DTNA: variants seen among roughly 807,000 people sequenced by gnomAD.
DTNA encodes the protein dystrophin-related protein 3.
Under a neutral mutation model 100.7 loss-of-function variants are expected in DTNA, and 43 were observed. The observed-to-expected ratio is 0.43, with a 90% CI of 0.33 to 0.55. The LOEUF (loss-of-function observed/expected upper bound fraction) is 0.55, where lower values mean the gene tolerates loss of function less well. DTNA is among the 20% of genes least tolerant of loss of function. DTNA has a pLI of 0.04. For missense variants in DTNA, 798 were observed against 953.9 expected (o/e 0.84, Z 2.15); for synonymous variants, 349 against 347.9 (o/e 1.00, Z -0.04).
chr18:34,821,802 C>T (rs376328018), intron 9 of DTNA, among the ~76,000 whole-genome samples: 1 of 152,084 alleles, frequency 6.6e-6, no homozygotes, highest in Non-Finnish European at 1.5e-5. Context: ...AGGTGGGTGA[C>T]GGGACCTACC....
chr18:34,638,761 C>T (rs183598001), intron 1 of DTNA, among the ~76,000 whole-genome samples: 13 of 152,264 alleles, frequency 8.5e-5, no homozygotes, highest in Admixed American at 2.6e-4. Context: ...AAAATAGGTT[C>T]GAGTAATTAT....
At chr18:34,744,801 G>C (rs2091298452) in intron 1 of DTNA, among the ~76,000 whole-genome samples, 1 of 152,146 alleles carries the variant, frequency 6.6e-6, no homozygotes, top group African/African-American at 2.4e-5. Context: ...GTCCGTGTGT[G>C]TCTGTGTGGG....
chr18:34,661,869 C>A (rs550679135), intron 1 of DTNA, among the ~76,000 whole-genome samples: 1 of 152,154 alleles, frequency 6.6e-6, no homozygotes, highest in African/African-American at 2.4e-5. Context: ...ATGTGGCCTA[C>A]CCAGTTTGGG....
At chr18:34,833,440 A>G (rs1045874763) in intron 11 of DTNA, among the ~76,000 whole-genome samples, 4 of 149,390 alleles carry the variant, frequency 2.7e-5, no homozygotes, top group Non-Finnish European at 5.9e-5. Context: ...GTGTGTGAGA[A>G]AAATTTTGGA....
At chr18:34,630,469 C>A (rs1393503614) in intron 1 of DTNA, among the ~76,000 whole-genome samples, 1 of 151,874 alleles carries the variant, frequency 6.6e-6, no homozygotes, top group Non-Finnish European at 1.5e-5. Context: ...GGTTAGTCAG[C>A]GATAAGAAAA....
intron 1 of DTNA, chr18:34,755,584 T>G (rs1035403588): frequency 1.7e-5 from 4 of 240,758 alleles, no homozygotes; most frequent in Admixed American, 5.1e-5. Flanking sequence ...ACTCTTGGTT[T>G]CATCATCTGT....
intron 3 of DTNA, among the ~76,000 whole-genome samples, chr18:34,789,715 G>C (rs1281155340): frequency 6.6e-6 from 1 of 152,068 alleles, no homozygotes. Context: ...CAGTTAGCCA[G>C]AATTATTTTA....
chr18:34,505,105 C>CAGGGCTAACGTCAAGGTGTGA (rs2040355597), intron 1 of DTNA, among the ~76,000 whole-genome samples: 1 of 152,220 alleles, frequency 6.6e-6, no homozygotes, highest in African/African-American at 2.4e-5. Flanking sequence ...ATCAGTTTCA[C>CAGGGCTAACGTCAAGGTGTGA]AGGGCTAACG....
chr18:34,570,812 T>C (rs1478733732), intron 1 of DTNA, among the ~76,000 whole-genome samples: 1 of 152,180 alleles, frequency 6.6e-6, no homozygotes. Flanking sequence ...TTAAAAATTT[T>C]GGGTACCTCT....
intron 13 of DTNA, among the ~76,000 whole-genome samples, chr18:34,843,398 T>C (rs2096309790): frequency 6.6e-6 from 1 of 152,078 alleles, no homozygotes; most frequent in African/African-American, 2.4e-5. Flanking sequence ...CATCTTTGTA[T>C]TAGTTTGCTA....
chr18:34,764,812 A>G (rs915741476), intron 2 of DTNA, among the ~76,000 whole-genome samples: 1 of 152,248 alleles, frequency 6.6e-6, no homozygotes, highest in Admixed American at 6.5e-5. Context: ...TTATTAGTAT[A>G]TGACTGGTAA....
intron 1 of DTNA, among the ~76,000 whole-genome samples, chr18:34,586,399 T>C (rs1036243920): frequency 6.7e-6 from 1 of 148,490 alleles, no homozygotes. Flanking sequence ...TCTTGTCGGG[T>C]TTTTTTTGTT....
intron 16 of DTNA, among the ~76,000 whole-genome samples, chr18:34,859,392 A>G (rs560147556): frequency 6.6e-6 from 1 of 152,344 alleles, no homozygotes; most frequent in East Asian, 1.9e-4. Flanking sequence ...CCCTAGTTAC[A>G]GAGTTTTCTG....
intron 1 of DTNA, among the ~76,000 whole-genome samples, chr18:34,731,609 G>A (rs16965815): frequency 0.036 from 5,496 of 152,286 alleles, 312 homozygotes; most frequent in African/African-American, 0.12. Context: ...GTATTGGGTA[G>A]CCAGTGTTTG....
At chr18:34,523,087 A>G (rs896736203) in intron 1 of DTNA, among the ~76,000 whole-genome samples, 3 of 152,160 alleles carry the variant, frequency 2.0e-5, no homozygotes, top group Non-Finnish European at 4.4e-5. Context: ...CTTTACTCCC[A>G]AGTCACTCTT....
chr18:34,667,349 T>C lies in DTNA; in HGVS notation c.-1-88627T>C, dbSNP rs8095641. Among the ~76,000 whole-genome samples the C allele has an allele frequency of 7.2e-3, 1,098 of 152,350 alleles. 15 individuals are homozygous for C. The highest frequency in any genetic ancestry group is 0.025 in the African/African-American group (1,041 of 41,572). On this transcript the variant is annotated intron_variant, in intron 1 of 19. Coordinates refer to the DTNA transcript ENST00000283365. ...CTGAGACGATGGGGTTTTCTAGATA[T>C]ACAATCATGTCATCCGCAAACAGCG...
rs374149280 is a variant in DTNA, at chr18:34,800,963, C to T, written c.363-5256C>T. 2.0e-4 allele frequency among the ~76,000 whole-genome samples: 31 copies of T among 152,030 alleles called. No homozygotes were observed. In the East Asian group the frequency reaches 5.4e-3, roughly 27 times the overall value. On this transcript the variant is annotated intron_variant, in intron 4 of 22. Transcript: ENST00000444659. ...GTCTCTTTATAAGATTATGGGAAAC[C>T]CAGGGCAGACTAAAGCAGTTTCTCA... is the stretch of plus-strand genomic sequence containing the variant.
At chr18:34,866,125 G>T (rs2096700174) in intron 17 of DTNA, 1 of 1,614,020 alleles carries the variant, frequency 6.2e-7, no homozygotes, top group Non-Finnish European at 8.5e-7. Flanking sequence ...AAGAACTGAA[G>T]CAGGGAGTAA....
chr18:34,767,453 T>C (rs1434277881), intron 3 of DTNA: 2 of 152,186 alleles, frequency 1.3e-5, no homozygotes, highest in Non-Finnish European at 1.5e-5. Flanking sequence ...AAGAAAAATA[T>C]AAGTAGGTTG....
Sources: allele counts gnomAD v4.1 joint callset (sites outside exome capture counted in the v4.1 genomes callset), GRCh38; gene constraint gnomAD v4.1.1; transcripts MANE v1.5; gene names NCBI Gene and HGNC (gene_info 2026-07-23, HGNC 2026-07-21).